Variants in GGTA1 observed in about 807,000 individuals in gnomAD.
GGTA1 encodes inactive N-acetyllactosaminide alpha-1,3-galactosyltransferase.
GGTA1 carries 5 observed loss-of-function variants against 2.6 expected under a neutral mutation model. The ratio of observed to expected loss-of-function variants is 1.92; its 90% CI spans 1.00 to 4.04. The LOEUF is 4.04. Among genes scored for constraint, GGTA1 ranks in the 30% most tolerant of loss-of-function variants. GGTA1 has a pLI of 0.00. For missense variants in GGTA1, 50 were observed against 16.7 expected (o/e 2.99, Z -3.47); for synonymous variants, 17 against 5.0 (o/e 3.38, Z -3.19).
intron 4 of GGTA1, among the ~76,000 whole-genome samples, chr9:121,460,426 C>T (rs2064950884): frequency 6.6e-6 from 1 of 152,200 alleles, no homozygotes; most frequent in Non-Finnish European, 1.5e-5. Context: ...CATTACCCTT[C>T]CAAGTCACCA....
chr9:121,472,211 G>C (rs7026774), intron 1 of GGTA1, among the ~76,000 whole-genome samples: 2,449 of 152,324 alleles, frequency 0.016, 61 homozygotes, highest in African/African-American at 0.056. Flanking sequence ...ATGTGGTGCT[G>C]CTGCACCAGG....
intron 1 of GGTA1, among the ~76,000 whole-genome samples, chr9:121,486,557 G>T (rs1319064606): frequency 1.3e-5 from 2 of 152,212 alleles, no homozygotes. Flanking sequence ...TGCACACGGG[G>T]CTGGCTCCCT....
chr9:121,477,610 C>G (rs930400839), intron 1 of GGTA1, among the ~76,000 whole-genome samples: 2 of 116,892 alleles, frequency 1.7e-5, no homozygotes, highest in Non-Finnish European at 3.3e-5. Context: ...GAGTCTTGCT[C>G]TGTCACCCAG....
chr9:121,498,103 T>G (rs73661738), intron 1 of GGTA1, among the ~76,000 whole-genome samples: 6,465 of 152,170 alleles, frequency 0.042, 452 homozygotes, highest in African/African-American at 0.15. Context: ...TCCCAATACA[T>G]AGAGGAGATA....
At chr9:121,449,757 C>G (rs931888238) in intron 7 of GGTA1, among the ~76,000 whole-genome samples, 3 of 140,896 alleles carry the variant, frequency 2.1e-5, no homozygotes, top group Non-Finnish European at 4.5e-5. Context: ...GGAGAATTGC[C>G]GGAACCTGGG....
At chr9:121,495,623 AC>A (rs1331044150) in intron 1 of GGTA1, among the ~76,000 whole-genome samples, 6 of 152,136 alleles carry the variant, frequency 3.9e-5, no homozygotes, top group African/African-American at 1.4e-4. Context: ...TAGCTTGCCT[AC>A]CCTCCACTCC....
At chr9:121,480,939 G>A (rs1157157298) in intron 1 of GGTA1, among the ~76,000 whole-genome samples, 2 of 151,348 alleles carry the variant, frequency 1.3e-5, no homozygotes, top group African/African-American at 4.9e-5. Context: ...GGACCATGAG[G>A]TCAGGAGATC....
At chr9:121,492,716 C>T (rs1041704140) in intron 1 of GGTA1, among the ~76,000 whole-genome samples, 18 of 151,780 alleles carry the variant, frequency 1.2e-4, no homozygotes, top group Admixed American at 5.9e-4. Context: ...TCAGGTGATC[C>T]GCCCGCCTCG....
chr9:121,458,076 A>AT (rs1338089895), intron 5 of GGTA1, among the ~76,000 whole-genome samples: 2 of 151,290 alleles, frequency 1.3e-5, no homozygotes, highest in African/African-American at 4.9e-5. Flanking sequence ...CTCCCAGCTG[A>AT]TTTTTTGTTT....
At chr9:121,488,403 A>G (rs1042168116) in intron 1 of GGTA1, among the ~76,000 whole-genome samples, 10 of 152,152 alleles carry the variant, frequency 6.6e-5, no homozygotes, top group African/African-American at 2.4e-5. Context: ...AACCAAACGC[A>G]AGGGTTATAA....
At chr9:121,473,971 G>GGGA (rs1239480623) in intron 1 of GGTA1, among the ~76,000 whole-genome samples, 1 of 149,262 alleles carries the variant, frequency 6.7e-6, no homozygotes, top group Non-Finnish European at 1.5e-5. Flanking sequence ...GAGGGAGGGA[G>GGGA]GGAGAGAGAG....
chr9:121,469,315 GA>G (rs746106380), intron 1 of GGTA1, among the ~76,000 whole-genome samples: 1 of 152,152 alleles, frequency 6.6e-6, no homozygotes, highest in African/African-American at 2.4e-5. Flanking sequence ...GCTGACAGGT[GA>G]AAAAACTTCT....
chr9:121,472,018 T>C (rs1338450248), intron 1 of GGTA1, among the ~76,000 whole-genome samples: 1 of 152,152 alleles, frequency 6.6e-6, no homozygotes, highest in African/African-American at 2.4e-5. Flanking sequence ...CTTTGACAAA[T>C]GAAGCTGGGT....
intron 1 of GGTA1, among the ~76,000 whole-genome samples, chr9:121,484,460 T>A (rs1453126492): frequency 6.6e-6 from 1 of 152,132 alleles, no homozygotes; most frequent in East Asian, 1.9e-4. Flanking sequence ...ATTTTTGTAT[T>A]TTTAGTAGAG....
intron 1 of GGTA1, among the ~76,000 whole-genome samples, chr9:121,478,520 G>A (rs186096698): frequency 6.6e-6 from 1 of 152,344 alleles, no homozygotes; most frequent in East Asian, 1.9e-4. Context: ...GGTGTAAGGA[G>A]GAAGAGTGCC....
chr9:121,491,594 A>G (rs948779155), intron 1 of GGTA1, among the ~76,000 whole-genome samples: 35 of 150,996 alleles, frequency 2.3e-4, no homozygotes, highest in African/African-American at 8.3e-4. Flanking sequence ...TCACTGTGCA[A>G]TTAGTTTTTT....
intron 1 of GGTA1, among the ~76,000 whole-genome samples, chr9:121,498,480 C>T (rs569446786): frequency 6.6e-6 from 1 of 152,314 alleles, no homozygotes; most frequent in Admixed American, 6.5e-5. Flanking sequence ...CAGAGCCCTC[C>T]TTCGCCATGC....
At position 121,463,314 on chromosome 9, in the gene GGTA1, A is replaced by G; in HGVS notation, c.95T>C (p.Phe32Ser). ...WEFINSTEGS[F>S]LWIYHSKNPE... ...TTACTTTGAGTGATATATCCACAAG[A>G]AAGAGCCTTCTGTGCTAAAAGCAAA... Residue 32 changes from phenylalanine to serine, a missense_variant, in exon 3 of 6, where the codon TTC becomes TCC. Coordinates refer to ENST00000481799, the MANE Select transcript of GGTA1 (RefSeq NM_001382585.1). 2.2e-6 allele frequency: 1 copy of G among 452,326 alleles called. No individual in the cohort carries two copies. Among genetic ancestry groups the G allele is most frequent in the Non-Finnish European group, 4.4e-6 (1 of 225,552 alleles). 28.0% of individuals were successfully genotyped at this position (452,326 alleles called of 1,614,324 possible).
At chr9:121,457,849 C>T (rs541678446) in intron 5 of GGTA1, among the ~76,000 whole-genome samples, 10 of 151,316 alleles carry the variant, frequency 6.6e-5, no homozygotes, top group African/African-American at 1.7e-4. Flanking sequence ...GGAAGCAAAG[C>T]GACCTTGATA....
Sources: gnomAD v4.1 joint callset for allele counts (sites outside exome capture counted in the v4.1 genomes callset) on GRCh38, gnomAD v4.1.1 for gene constraint, MANE v1.5 for transcripts, NCBI Gene and HGNC (gene_info 2026-07-23, HGNC 2026-07-21) for gene names.